Variants in PCSK5 observed in about 807,000 individuals in gnomAD.
The protein encoded by PCSK5 is proprotein convertase subtilisin/kexin type 5, also known as prohormone convertase 5.
Under a neutral mutation model 233.2 loss-of-function variants are expected in PCSK5, and 129 were observed. The ratio of observed to expected loss-of-function variants is 0.55; its 90% confidence interval spans 0.48 to 0.64. The LOEUF is 0.64. Among genes scored for constraint, PCSK5 ranks in the 30% least tolerant of loss-of-function variants. PCSK5 has a pLI of 0.00. For missense variants in PCSK5, 2,076 were observed against 2,430.1 expected (o/e 0.85, Z 3.06); for synonymous variants, 825 against 879.2 (o/e 0.94, Z 1.09).
chr9:76,135,944 G>C (rs1822954330), intron 10 of PCSK5, among the ~76,000 whole-genome samples: 2 of 152,038 alleles, frequency 1.3e-5, no homozygotes, highest in African/African-American at 4.8e-5. Flanking sequence ...TTTAGGAGAG[G>C]GGGAGACAGA....
chr9:75,913,392 C>CAT (rs1021086081), intron 1 of PCSK5, among the ~76,000 whole-genome samples: 3 of 152,164 alleles, frequency 2.0e-5, no homozygotes, highest in African/African-American at 7.2e-5. Context: ...CATAGCCACA[C>CAT]ATATATGAGT....
At chr9:76,344,795 T>G (rs1829931348) in intron 35 of PCSK5, among the ~76,000 whole-genome samples, 1 of 152,146 alleles carries the variant, frequency 6.6e-6, no homozygotes, top group Non-Finnish European at 1.5e-5. Flanking sequence ...TGTTGTGCAG[T>G]GGGCGGCGCA....
At chr9:76,322,111 G>A (rs1829225562) in intron 31 of PCSK5, among the ~76,000 whole-genome samples, 1 of 151,854 alleles carries the variant, frequency 6.6e-6, no homozygotes, top group Admixed American at 6.6e-5. Flanking sequence ...CACCACGCCG[G>A]GCTAATTTTA....
chr9:76,354,287 GA>G (rs1830242117), intron 37 of PCSK5, 68 bp downstream of exon 37: 4 of 1,285,718 alleles, frequency 3.1e-6, no homozygotes, highest in Non-Finnish European at 4.3e-6. Flanking sequence ...GGAGCAGAGG[GA>G]GGGGGGGATG....
chr9:76,285,749 C>T (rs1289923993), intron 24 of PCSK5, among the ~76,000 whole-genome samples: 1 of 151,666 alleles, frequency 6.6e-6, no homozygotes, highest in East Asian at 1.9e-4. Context: ...AAAGGCTATC[C>T]TTAAGACATT....
intron 9 of PCSK5, among the ~76,000 whole-genome samples, chr9:76,123,142 C>A (rs1198523202): frequency 1.3e-5 from 2 of 152,090 alleles, no homozygotes; most frequent in African/African-American, 4.8e-5. Context: ...CTGCGCCCGG[C>A]CTACTTTTAT....
intron 35 of PCSK5, among the ~76,000 whole-genome samples, chr9:76,349,034 G>A (rs1830048206): frequency 6.6e-6 from 1 of 152,112 alleles, no homozygotes; most frequent in African/African-American, 2.4e-5. Flanking sequence ...CACTTTGGGA[G>A]GCTGAGGTGG....
At chr9:76,010,975 T>C (rs1827706583) in intron 3 of PCSK5, among the ~76,000 whole-genome samples, 1 of 152,226 alleles carries the variant, frequency 6.6e-6, no homozygotes, top group Non-Finnish European at 1.5e-5. Flanking sequence ...TCAGTGTCCT[T>C]GCTCTATACA....
chr9:75,968,281 A>T (rs904232130), intron 2 of PCSK5, among the ~76,000 whole-genome samples: 2 of 152,230 alleles, frequency 1.3e-5, no homozygotes, highest in African/African-American at 4.8e-5. Context: ...AGTCTCAGGA[A>T]CTAGTTCAAC....
chr9:76,281,431 G>T (rs572476788), intron 24 of PCSK5, among the ~76,000 whole-genome samples: 1 of 152,160 alleles, frequency 6.6e-6, no homozygotes, highest in South Asian at 2.1e-4. Flanking sequence ...AACAAGGCCG[G>T]GTTCAGCACA....
At chr9:75,916,084 A>G (rs1317209359) in intron 1 of PCSK5, among the ~76,000 whole-genome samples, 1 of 152,224 alleles carries the variant, frequency 6.6e-6, no homozygotes, top group Non-Finnish European at 1.5e-5. Context: ...GAAAATTAAA[A>G]GCTTGGCACT....
intron 2 of PCSK5, among the ~76,000 whole-genome samples, chr9:75,967,290 T>G (rs1408868677): frequency 6.6e-6 from 1 of 152,156 alleles, no homozygotes. Flanking sequence ...TGTTGCCATC[T>G]TTATGTCCAT....
At chr9:76,282,571 G>A (rs931587389) in intron 24 of PCSK5, among the ~76,000 whole-genome samples, 1 of 151,950 alleles carries the variant, frequency 6.6e-6, no homozygotes, top group African/African-American at 2.4e-5. Flanking sequence ...TTCCATCTCA[G>A]CCTCCCAAAG....
intron 2 of PCSK5, among the ~76,000 whole-genome samples, chr9:75,971,848 CAAAAA>C (rs944086739): frequency 4.6e-5 from 7 of 151,800 alleles, no homozygotes; most frequent in African/African-American, 1.5e-4. Flanking sequence ...GGATAGATTG[CAAAAA>C]TTTTCTCACA....
intron 24 of PCSK5, among the ~76,000 whole-genome samples, chr9:76,285,555 G>GC (rs950929681): frequency 6.6e-6 from 1 of 151,838 alleles, no homozygotes; most frequent in African/African-American, 2.4e-5. Flanking sequence ...GCAAGTGGTA[G>GC]GGGGGGAGTC....
intron 3 of PCSK5, among the ~76,000 whole-genome samples, chr9:76,014,412 T>C (rs1827859141): frequency 6.6e-6 from 1 of 152,316 alleles, no homozygotes; most frequent in Non-Finnish European, 1.5e-5. Context: ...TTAAGAAATA[T>C]TTGATTTTTG....
At chr9:76,294,781 A>G (rs1212343158) in intron 25 of PCSK5, among the ~76,000 whole-genome samples, 1 of 152,180 alleles carries the variant, frequency 6.6e-6, no homozygotes, top group African/African-American at 2.4e-5. Flanking sequence ...TTGGAGGTCC[A>G]GAAGGAGGTG....
chr9:76,262,320 T>C (rs1478357179), intron 24 of PCSK5, among the ~76,000 whole-genome samples: 1 of 152,098 alleles, frequency 6.6e-6, no homozygotes, highest in African/African-American at 2.4e-5. Context: ...CATCACCAAG[T>C]CAATCCTAAG....
intron 3 of PCSK5, among the ~76,000 whole-genome samples, chr9:76,018,495 C>T (rs1382415048): frequency 1.3e-5 from 2 of 152,082 alleles, no homozygotes; most frequent in South Asian, 4.1e-4. Context: ...TTGTGAACTG[C>T]GCATGCGAGG....
Sources: gnomAD v4.1 joint callset for allele counts (sites outside exome capture counted in the v4.1 genomes callset) on GRCh38, gnomAD v4.1.1 for gene constraint, MANE v1.5 for transcripts, NCBI Gene and HGNC (gene_info 2026-07-23, HGNC 2026-07-21) for gene names.